Variants in APOD observed in about 807,000 individuals in gnomAD.
The protein encoded by APOD is apo-D.
A neutral mutation model predicts 20.4 loss-of-function variants in APOD; 22 were observed. The observed-to-expected ratio is 1.08, with a 90% CI of 0.77 to 1.54. APOD has a LOEUF of 1.54. Ranked by LOEUF, APOD falls within the 40% of genes most tolerant of loss-of-function variation. The pLI, the probability that APOD is intolerant of heterozygous loss-of-function variation, is 0.00. For synonymous variants in APOD, 97 were observed against 92.4 expected, an observed-to-expected ratio of 1.05 and a Z score of -0.29; for missense variants, 223 against 229.6, an observed-to-expected ratio of 0.97 and a Z score of 0.19.
intron 1 of APOD, among the ~76,000 whole-genome samples, chr3:195,582,905 C>T (rs1720365329): frequency 6.6e-6 from 1 of 151,246 alleles, no homozygotes; most frequent in South Asian, 2.1e-4. Context: ...TGCACTCCAG[C>T]CTGGGTGACA....
rs1720381763 is a variant in APOD at position 195,583,873 on chromosome 3, C to T, written c.-35+5G>A. The T allele has an allele frequency of 6.6e-6, 1 of 152,152 alleles. No homozygotes were observed. The highest frequency in any genetic ancestry group is 2.1e-4 in the South Asian group (1 of 4,826). 9.4% of individuals were successfully genotyped at this position (152,152 alleles called of 1,614,324 possible). ...AAATGAAAAGCTTAAAACTACAGTA[C>T]ATACCTTTTCTTTCAAGATGAAGGC... is the stretch of plus-strand genomic sequence containing the variant. On this transcript the variant is annotated splice_donor_5th_base_variant and intron_variant, in intron 1 of 4. Transcript: ENST00000343267.
intron 3 of APOD, among the ~76,000 whole-genome samples, chr3:195,573,216 T>C (rs1462972035): frequency 2.0e-5 from 3 of 152,258 alleles, no homozygotes; most frequent in African/African-American, 7.2e-5. Context: ...AAACTGCATT[T>C]GTATTTTCAA....
intron 1 of APOD, among the ~76,000 whole-genome samples, chr3:195,582,462 C>G (rs778271682): frequency 6.6e-6 from 1 of 151,958 alleles, no homozygotes; most frequent in Non-Finnish European, 1.5e-5. Flanking sequence ...TATTTTTGGC[C>G]GGGCATGATG....
intron 2 of APOD, among the ~76,000 whole-genome samples, chr3:195,574,487 A>C (rs1174636485): frequency 6.6e-6 from 1 of 152,206 alleles, no homozygotes; most frequent in African/African-American, 2.4e-5. Context: ...AGGTGTATAC[A>C]GTTAGCTTTA....
Position 195,571,347 on chromosome 3 carries a change from A to G in APOD, c.264T>C (p.Asn88=). The part of the protein sequence containing the change: ...NQELRADGTV[N]QIEGEATPVN... ...CTGGGGTGGCTTCACCTTCGATTTGATTCACAGTTCCATCAGCTCTGCAGT... is the reference window on the plus strand; with the variant it reads ...CTGGGGTGGCTTCACCTTCGATTTGGTTCACAGTTCCATCAGCTCTGCAGT... The change falls in exon 4 of 5, where the codon AAT becomes AAC. Residue 88 remains asparagine, a synonymous_variant. Coordinates refer to ENST00000343267, the MANE Select transcript of APOD (RefSeq NM_001647.4). 6.2e-7 allele frequency: 1 copy of G among 1,614,112 alleles called. No homozygotes were observed. The highest frequency in any genetic ancestry group is 8.5e-7 in the Non-Finnish European group (1 of 1,179,994).
At chr3:195,580,660 C>G (rs1720323101) in intron 1 of APOD, among the ~76,000 whole-genome samples, 1 of 152,210 alleles carries the variant, frequency 6.6e-6, no homozygotes, top group African/African-American at 2.4e-5. Context: ...CCGCCTTGGC[C>G]TCCCAAAGTG....
intron 1 of APOD, among the ~76,000 whole-genome samples, chr3:195,580,367 TC>T (rs66530026): frequency 1.6e-4 from 11 of 67,900 alleles, no homozygotes; most frequent in Middle Eastern, 6.3e-3. Flanking sequence ...CTTTCTTTCT[TC>T]TTTTTTTTTT....
In APOD at chr3:195,569,829, C is replaced by T. The variant is rs187430609; in HGVS notation, c.335-694G>A. On this transcript the variant is annotated intron_variant, in intron 4 of 4. Coordinates refer to ENST00000343267, the MANE Select transcript of APOD (RefSeq NM_001647.4). ...TTTTTTTTTTTTTGAGATGGAGTTT[C>T]ACTCTTGTCGCCCAGGCTGGAGTGC... 7.2e-3 allele frequency among the ~76,000 whole-genome samples: 602 copies of T among 84,064 alleles called. 6 individuals carry two copies. Among genetic ancestry groups the T allele is most frequent in the African/African-American group, 0.025 (556 of 22,148 alleles). The allele number at this position is 84,064 out of a possible 152,430, so 55.1% of individuals were successfully genotyped here.
At chr3:195,575,973 C>G (rs1378239566) in intron 2 of APOD, among the ~76,000 whole-genome samples, 1 of 152,170 alleles carries the variant, frequency 6.6e-6, no homozygotes, top group African/African-American at 2.4e-5. Flanking sequence ...CCTTCAGAGT[C>G]AGAACTTGAA....
intron 2 of APOD, among the ~76,000 whole-genome samples, chr3:195,574,790 TAAA>T (rs1720223516): frequency 6.6e-6 from 1 of 152,162 alleles, no homozygotes; most frequent in African/African-American, 2.4e-5. Context: ...GCTGGGTGAG[TAAA>T]CGATGGCATA....
intron 2 of APOD, among the ~76,000 whole-genome samples, chr3:195,575,327 G>A (rs960797755): frequency 1.1e-4 from 16 of 152,284 alleles, no homozygotes; most frequent in Admixed American, 3.3e-4. Flanking sequence ...GGCTAATCTG[G>A]CCATCTCAAG....
chr3:195,573,818 AG>A, intron 3 of APOD, 31 bp downstream of exon 3: 1 of 1,610,704 alleles, frequency 6.2e-7, no homozygotes, highest in Non-Finnish European at 8.5e-7. Context: ...AGCACTCCGC[AG>A]GCCTGGCCCC....
At chr3:195,571,838 G>A (rs1720165673) in intron 3 of APOD, among the ~76,000 whole-genome samples, 1 of 151,534 alleles carries the variant, frequency 6.6e-6, no homozygotes, top group Non-Finnish European at 1.5e-5. Flanking sequence ...GGAGTGCAGT[G>A]GTGCGATCTC....
intron 1 of APOD, among the ~76,000 whole-genome samples, chr3:195,581,658 C>T (rs1393754850): frequency 6.6e-6 from 1 of 152,210 alleles, no homozygotes; most frequent in African/African-American, 2.4e-5. Context: ...TTCTGTGCAC[C>T]GCCATAGGGC....
chr3:195,583,548 C>T (rs1720376376), intron 1 of APOD, among the ~76,000 whole-genome samples: 1 of 152,180 alleles, frequency 6.6e-6, no homozygotes, highest in Non-Finnish European at 1.5e-5. Context: ...GAGAATTCAC[C>T]TAGGACGGTG....
chr3:195,571,849 G>A (rs939547219), intron 3 of APOD, among the ~76,000 whole-genome samples: 3 of 151,368 alleles, frequency 2.0e-5, no homozygotes, highest in South Asian at 2.1e-4. Context: ...GTGCGATCTC[G>A]GCTTACTGCA....
rs1720108839 is a variant in APOD, at chr3:195,568,989, C to CCA, written c.479_480dup (p.Asp161TrpfsTer4). Reference sequence around the variant, plus strand: ...GAAGTCAGGATATTTTTTAGAGAGTCCACTGTTTCTGGAGGGAGATTAGGG... The same window carrying CCA: ...GAAGTCAGGATATTTTTTAGAGAGTCCACACTGTTTCTGGAGGGAGATTAGGG... On this transcript the variant is annotated frameshift_variant, in exon 5 of 5. Transcript: ENST00000343267. LOFTEE classifies it high-confidence loss of function. The CCA allele has an allele frequency of 6.2e-7, 1 of 1,614,088 alleles. No homozygotes were observed. The highest frequency in any genetic ancestry group is 1.3e-5 in the African/African-American group (1 of 75,008).
At chr3:195,581,330 T>C (rs1183312641) in intron 1 of APOD, among the ~76,000 whole-genome samples, 1 of 152,208 alleles carries the variant, frequency 6.6e-6, no homozygotes, top group Non-Finnish European at 1.5e-5. Context: ...AAAACCTGTC[T>C]TTTAACCTTT....
chr3:195,568,927 GT>G lies in APOD; in HGVS notation c.542del (p.Asp181AlafsTer3), dbSNP rs1286549058. 2.5e-6 allele frequency: 4 copies of G among 1,613,968 alleles called. No homozygotes were observed. Among genetic ancestry groups the G allele is most frequent in the Non-Finnish European group, 1.7e-6 (2 of 1,179,952 alleles). Reference protein sequence around the residue: ...NIDVKKMTVTDQVNCPKLS With the variant: ...NIDVKKMTVTXQVNCPKLS ...ACGAGAGCTTGGGGCAGTTCACCTG[GT>G]CTGTGACCGTCATTTTCTTGACATC... On this transcript the variant is annotated frameshift_variant, in exon 5 of 5. Transcript: ENST00000343267. LOFTEE classifies it high-confidence loss of function.
Sources: gnomAD v4.1 joint callset for allele counts (sites outside exome capture counted in the v4.1 genomes callset) on GRCh38, gnomAD v4.1.1 for gene constraint, MANE v1.5 for transcripts, NCBI Gene and HGNC (gene_info 2026-07-23, HGNC 2026-07-21) for gene names.